ANOS1: variants seen among roughly 807,000 people sequenced by gnomAD.
ANOS1 encodes the protein anosmin-1.
ANOS1 carries 6 observed loss-of-function variants against 59.0 expected under a neutral mutation model. The ratio of observed to expected loss-of-function variants is 0.10; its 90% CI spans 0.06 to 0.20. The LOEUF is 0.20. Ranked by LOEUF, ANOS1 falls within the 10% of genes least tolerant of loss-of-function variation. The probability of loss-of-function intolerance (pLI) is 1.00; values close to 1 mark genes in which losing one functional copy is unlikely to be tolerated. For synonymous variants in ANOS1, 217 were observed against 223.4 expected, an observed-to-expected ratio of 0.97 and a Z score of 0.25; for missense variants, 433 against 542.3, an observed-to-expected ratio of 0.80 and a Z score of 2.00.
chrX:8,551,394 T>C (rs1929853753), intron 9 of ANOS1, among the ~76,000 whole-genome samples: 1 of 111,819 alleles, frequency 8.9e-6, no homozygotes, highest in South Asian at 3.7e-4. Context: ...TCCCAGCATT[T>C]TGGGAGGCTG....
chrX:8,698,924 G>T (rs931602487), intron 2 of ANOS1, among the ~76,000 whole-genome samples: 1 of 111,429 alleles, frequency 9.0e-6, no homozygotes, highest in African/African-American at 3.3e-5. Context: ...TAGATTACTT[G>T]TTGTTTATAA....
intron 2 of ANOS1, among the ~76,000 whole-genome samples, chrX:8,678,188 T>C (rs1032954945): frequency 8.9e-6 from 1 of 112,533 alleles, no homozygotes; most frequent in African/African-American, 3.2e-5. Flanking sequence ...CATTGAACAG[T>C]TTAGTAACTA....
chrX:8,552,113 G>C (rs1386964444), intron 9 of ANOS1, among the ~76,000 whole-genome samples: 1 of 112,144 alleles, frequency 8.9e-6, no homozygotes, highest in Admixed American at 9.4e-5. Context: ...CAACTTCTTG[G>C]ACATCAGAAA....
At chrX:8,534,645 T>C (rs1394826514) in intron 12 of ANOS1, among the ~76,000 whole-genome samples, 185 bp from the exon 13 acceptor site, 5 of 111,770 alleles carry the variant, frequency 4.5e-5, no homozygotes, top group Non-Finnish European at 9.4e-5. Flanking sequence ...CTCTGCCATA[T>C]GGTTTCTTAG....
intron 2 of ANOS1, among the ~76,000 whole-genome samples, chrX:8,658,956 C>T (rs1409855375): frequency 1.8e-5 from 2 of 111,586 alleles, no homozygotes; most frequent in South Asian, 3.8e-4. Flanking sequence ...AGGCCAGGCA[C>T]GGTGGCTCAC....
chrX:8,645,254 A>C (rs754219875), intron 2 of ANOS1, among the ~76,000 whole-genome samples: 2 of 112,604 alleles, frequency 1.8e-5, no homozygotes, highest in East Asian at 5.6e-4. Flanking sequence ...ACATCGACGA[A>C]GGGAGTCCAG....
At chrX:8,615,791 C>T (rs1011471183) in intron 3 of ANOS1, among the ~76,000 whole-genome samples, 1 of 111,191 alleles carries the variant, frequency 9.0e-6, no homozygotes, top group African/African-American at 3.3e-5. Flanking sequence ...TCTCATGCAT[C>T]TCCTGTCCCA....
intron 1 of ANOS1, among the ~76,000 whole-genome samples, chrX:8,718,593 G>A (rs1208654282): frequency 8.9e-6 from 1 of 111,971 alleles, no homozygotes; most frequent in African/African-American, 3.2e-5. Flanking sequence ...TGGCATTCAT[G>A]GCATCAACAG....
At position 8,581,863 on chromosome X, in the gene ANOS1, G is replaced by A. The variant is rs6640189; in HGVS notation, c.856+3404C>T. Among the ~76,000 whole-genome samples the A allele has an allele frequency of 3.6e-5, 4 of 112,103 alleles. No individual in the cohort carries two copies. In the East Asian group the frequency reaches 1.1e-3, roughly 31 times the overall value. On this transcript the variant is annotated intron_variant, in intron 6 of 13. Transcript: ENST00000262648. ...GTTGTGTAACTATCACCATCACTGG[G>A]TTCTAGAATGAGTCCATCAACCCAA... is the stretch of plus-strand genomic sequence containing the variant.
chrX:8,570,439 T>C, intron 7 of ANOS1, 60 bp downstream of exon 7: 1 of 1,015,011 alleles, frequency 9.9e-7, no homozygotes, highest in Non-Finnish European at 1.4e-6. Context: ...TTCAGGCCAG[T>C]TGCCTTGAGT....
chrX:8,577,067 C>T (rs999678554), intron 6 of ANOS1, among the ~76,000 whole-genome samples: 1 of 111,437 alleles, frequency 9.0e-6, no homozygotes, highest in African/African-American at 3.3e-5. Flanking sequence ...ATTTGCAAAA[C>T]CAGGTTGCAG....
chrX:8,597,661 T>C lies in ANOS1; in HGVS notation c.319-405A>G, dbSNP rs1182626351. 1.3e-4 allele frequency among the ~76,000 whole-genome samples: 5 copies of C among 38,024 alleles called. 1 individual carries two copies. Among genetic ancestry groups the C allele is most frequent in the South Asian group, 1.6e-3 (1 of 636 alleles). 33.0% of individuals were successfully genotyped at this position (38,024 alleles called of 115,157 possible). ...CTCTTTAATTTTTTCTTTCTCCCTT[T>C]TTTTTTTTTTTTTTTTTTTTTTTTT... On this transcript the variant is annotated intron_variant, in intron 3 of 13. Transcript: ENST00000262648.
chrX:8,717,484 C>T (rs1348683563), intron 1 of ANOS1, among the ~76,000 whole-genome samples: 1 of 109,528 alleles, frequency 9.1e-6, no homozygotes, highest in Non-Finnish European at 1.9e-5. Flanking sequence ...GTGGAAACAA[C>T]AAAAACAACC....
intron 3 of ANOS1, among the ~76,000 whole-genome samples, chrX:8,618,066 T>C (rs1315918142): frequency 8.9e-6 from 1 of 111,871 alleles, no homozygotes; most frequent in Non-Finnish European, 1.9e-5. Flanking sequence ...CCATGTGATC[T>C]TGGACAAATA....
At chrX:8,652,002 T>C (rs1846191476) in intron 2 of ANOS1, among the ~76,000 whole-genome samples, 1 of 111,872 alleles carries the variant, frequency 8.9e-6, no homozygotes, top group African/African-American at 3.3e-5. Flanking sequence ...TACAGTGTAG[T>C]GGTACAATCA....
intron 10 of ANOS1, among the ~76,000 whole-genome samples, chrX:8,537,858 G>T (rs1223138347): frequency 9.0e-6 from 1 of 110,691 alleles, no homozygotes. Context: ...ATGGGTAGGG[G>T]ATCTTGCTAG....
intron 1 of ANOS1, among the ~76,000 whole-genome samples, chrX:8,713,763 C>T (rs1484856667): frequency 1.8e-5 from 2 of 110,677 alleles, no homozygotes; most frequent in African/African-American, 6.6e-5. Flanking sequence ...CAGGCGCCCA[C>T]CACCACGCCT....
chrX:8,537,525 C>A (rs1199100447), intron 10 of ANOS1, among the ~76,000 whole-genome samples: 1 of 111,528 alleles, frequency 9.0e-6, no homozygotes, highest in East Asian at 2.8e-4. Context: ...CCTGTGATAA[C>A]AGGTGTGTAT....
intron 4 of ANOS1, among the ~76,000 whole-genome samples, chrX:8,593,715 C>A: frequency 9.0e-6 from 1 of 111,498 alleles, no homozygotes; most frequent in East Asian, 2.8e-4. Context: ...ACTCTGTTGC[C>A]CAGACTGGAG....
Sources: allele counts gnomAD v4.1 joint callset (sites outside exome capture counted in the v4.1 genomes callset), GRCh38; gene constraint gnomAD v4.1.1; transcripts MANE v1.5; gene names NCBI Gene and HGNC (gene_info 2026-07-23, HGNC 2026-07-21).